The following SLC9A9 variants were observed in gnomAD, a reference collection of about 807,000 sequenced individuals.
SLC9A9 encodes sodium/hydrogen exchanger 9.
In SLC9A9, 62 loss-of-function variants were observed where a neutral mutation model predicts 77.8. The observed-to-expected ratio is 0.80, with a 90% confidence interval of 0.65 to 0.98. SLC9A9 has a LOEUF of 0.98. Ranked by LOEUF, SLC9A9 falls within the 50% of genes least tolerant of loss-of-function variation. SLC9A9 has a pLI of 0.00. For synonymous variants in SLC9A9, 320 were observed against 283.5 expected (o/e 1.13, Z -1.29); for missense variants, 775 against 774.9 (o/e 1.00, Z 0.00).
intron 2 of SLC9A9, among the ~76,000 whole-genome samples, chr3:143,802,870 T>A (rs1560087159): frequency 6.6e-6 from 1 of 152,146 alleles, no homozygotes; most frequent in Non-Finnish European, 1.5e-5. Flanking sequence ...CCATTTGAAC[T>A]TTTATACGGA....
chr3:143,268,833 CA>C (rs1559845908), intron 15 of SLC9A9, 41 bp downstream of exon 15: 2 of 1,490,922 alleles, frequency 1.3e-6, no homozygotes, highest in Admixed American at 3.4e-5. Flanking sequence ...GTCTGTCCCA[CA>C]AGGGATATTC....
chr3:143,316,922 C>T (rs1373243600), intron 14 of SLC9A9, among the ~76,000 whole-genome samples: 1 of 152,040 alleles, frequency 6.6e-6, no homozygotes, highest in African/African-American at 2.4e-5. Context: ...AAGTAGCTTG[C>T]ACATGATCAC....
chr3:143,582,942 C>T (rs1051077125), intron 6 of SLC9A9, among the ~76,000 whole-genome samples: 1 of 152,020 alleles, frequency 6.6e-6, no homozygotes, highest in Non-Finnish European at 1.5e-5. Context: ...TGCTTGAGTA[C>T]AGGAGTGTGA....
At chr3:143,585,282 C>A (rs148201047) in intron 6 of SLC9A9, among the ~76,000 whole-genome samples, 1 of 152,158 alleles carries the variant, frequency 6.6e-6, no homozygotes, top group East Asian at 1.9e-4. Flanking sequence ...CCCTCTGAGC[C>A]TCACCTGAGA....
At chr3:143,836,991 G>T (rs866981016) in intron 1 of SLC9A9, among the ~76,000 whole-genome samples, 11 of 152,160 alleles carry the variant, frequency 7.2e-5, no homozygotes, top group Middle Eastern at 3.4e-3. Flanking sequence ...AATTTCCCTT[G>T]CATCTTACTG....
rs571984173 is a variant in SLC9A9 at position 143,438,866 on chromosome 3, C to T, written c.1469+28171G>A. On this transcript the variant is annotated intron_variant, in intron 12 of 15. Coordinates refer to ENST00000316549, the MANE Select transcript of SLC9A9 (RefSeq NM_173653.4). ...CCCACCAACTCCAGGAATGTCAGTG[C>T]CCAAGAGGACTCAAGGTCTTCATGG... 1.4e-3 allele frequency among the ~76,000 whole-genome samples: 207 copies of T among 152,300 alleles called. 1 individual carries two copies. Among genetic ancestry groups the T allele is most frequent in the Non-Finnish European group, 2.5e-3 (171 of 68,032 alleles).
chr3:143,814,576 A>G (rs1407263601), intron 2 of SLC9A9, among the ~76,000 whole-genome samples: 1 of 152,238 alleles, frequency 6.6e-6, no homozygotes, highest in African/African-American at 2.4e-5. Context: ...CAGGATGCTG[A>G]GTGAAATTGA....
intron 8 of SLC9A9, among the ~76,000 whole-genome samples, chr3:143,568,830 T>G (rs2037212999): frequency 6.6e-6 from 1 of 152,110 alleles, no homozygotes; most frequent in South Asian, 2.1e-4. Context: ...ATTTTGTACT[T>G]TAGAGCTACA....
chr3:143,750,712 A>C (rs1251014098), intron 4 of SLC9A9, among the ~76,000 whole-genome samples: 2 of 145,522 alleles, frequency 1.4e-5, no homozygotes. Context: ...GAGTAAAAAC[A>C]AAATGCTGTT....
chr3:143,799,225 C>T (rs1342345200), intron 2 of SLC9A9, among the ~76,000 whole-genome samples: 1 of 151,842 alleles, frequency 6.6e-6, no homozygotes, highest in Non-Finnish European at 1.5e-5. Flanking sequence ...GGCAACAACC[C>T]TTAGATGCTT....
At chr3:143,843,130 G>T (rs2009747475) in intron 1 of SLC9A9, among the ~76,000 whole-genome samples, 1 of 152,142 alleles carries the variant, frequency 6.6e-6, no homozygotes. Flanking sequence ...AAGCCACAGT[G>T]GAATAAGTAG....
intron 9 of SLC9A9, among the ~76,000 whole-genome samples, chr3:143,548,409 C>T (rs562096791): frequency 1.3e-5 from 2 of 152,160 alleles, no homozygotes; most frequent in East Asian, 1.9e-4. Flanking sequence ...CTGGGTGAGA[C>T]CTCCGGGCTA....
At chr3:143,580,670 C>A (rs751559660) in intron 6 of SLC9A9, among the ~76,000 whole-genome samples, 6 of 152,186 alleles carry the variant, frequency 3.9e-5, no homozygotes, top group Non-Finnish European at 8.8e-5. Flanking sequence ...CACCTAAAAT[C>A]ATCTGGGTGT....
chr3:143,516,076 G>C (rs1173570351), intron 9 of SLC9A9, among the ~76,000 whole-genome samples: 1 of 152,026 alleles, frequency 6.6e-6, no homozygotes, highest in East Asian at 1.9e-4. Flanking sequence ...GCTATTTAGG[G>C]TTTTTTTCTT....
intron 5 of SLC9A9, among the ~76,000 whole-genome samples, chr3:143,653,114 G>A (rs374919603): frequency 5.0e-4 from 76 of 152,170 alleles, no homozygotes; most frequent in Non-Finnish European, 9.4e-4. Flanking sequence ...AGGGAGACAC[G>A]GTTCCACCTG....
At chr3:143,429,644 C>T (rs2034472769) in intron 12 of SLC9A9, among the ~76,000 whole-genome samples, 1 of 152,192 alleles carries the variant, frequency 6.6e-6, no homozygotes, top group African/African-American at 2.4e-5. Context: ...AGCTTCTCTC[C>T]ATCACTCTGC....
chr3:143,300,116 G>A (rs1008523124), intron 14 of SLC9A9, among the ~76,000 whole-genome samples: 4 of 152,176 alleles, frequency 2.6e-5, no homozygotes, highest in African/African-American at 9.7e-5. Flanking sequence ...AAGTCTGACT[G>A]AGTGGTTAAA....
intron 5 of SLC9A9, among the ~76,000 whole-genome samples, chr3:143,663,487 G>T (rs571550115): frequency 6.6e-6 from 1 of 152,216 alleles, no homozygotes; most frequent in South Asian, 2.1e-4. Context: ...ATAGAAGTAG[G>T]CTTCAGAAGA....
intron 14 of SLC9A9, among the ~76,000 whole-genome samples, chr3:143,310,967 G>A (rs1183600611): frequency 6.6e-6 from 1 of 152,156 alleles, no homozygotes; most frequent in Non-Finnish European, 1.5e-5. Context: ...CATTTTGGAG[G>A]TCAGGAAGTA....
Sources: gnomAD v4.1 joint callset for allele counts (sites outside exome capture counted in the v4.1 genomes callset) on GRCh38, gnomAD v4.1.1 for gene constraint, MANE v1.5 for transcripts, NCBI Gene and HGNC (gene_info 2026-07-23, HGNC 2026-07-21) for gene names.